TMEM178B: variants seen among roughly 807,000 people sequenced by gnomAD.
The protein encoded by TMEM178B is transmembrane protein 178B.
TMEM178B carries 5 observed loss-of-function variants against 31.0 expected under a neutral mutation model. The ratio of observed to expected loss-of-function variants is 0.16; its 90% CI spans 0.08 to 0.34. The LOEUF is 0.34. Among genes scored for constraint, TMEM178B ranks in the 10% least tolerant of loss-of-function variants. TMEM178B has a pLI of 1.00. For missense variants in TMEM178B, 275 were observed against 400.3 expected (o/e 0.69, Z 2.67); for synonymous variants, 164 against 164.0 (o/e 1.00, Z 0.00).
intron 2 of TMEM178B, among the ~76,000 whole-genome samples, chr7:141,242,867 C>T (rs1339430160): frequency 6.6e-6 from 1 of 152,048 alleles, no homozygotes; most frequent in Non-Finnish European, 1.5e-5. Context: ...GAGATTCCAG[C>T]TGCTGTCTCT....
At position 141,100,552 on chromosome 7, in the gene TMEM178B, T is replaced by C. The variant is rs150078875; in HGVS notation, c.382+25860T>C. Among the ~76,000 whole-genome samples the C allele has an allele frequency of 5.3e-4, 81 of 152,336 alleles. No individual in the cohort carries two copies. In the East Asian group the frequency reaches 0.015, roughly 28 times the overall value. ...TGGCTCCCTAATCATCATGTGTTTG[T>C]ATTATTTTAATTAACATAAATTTAC... On this transcript the variant is annotated intron_variant, in intron 1 of 3. Coordinates refer to ENST00000565468, the MANE Select transcript of TMEM178B (RefSeq NM_001195278.2).
At chr7:141,174,854 G>T (rs1195655885) in intron 1 of TMEM178B, among the ~76,000 whole-genome samples, 4 of 152,104 alleles carry the variant, frequency 2.6e-5, no homozygotes, top group African/African-American at 9.7e-5. Flanking sequence ...GTAGATCCTG[G>T]ATATTAGCCG....
At chr7:141,415,602 T>A (rs1232165539) in intron 2 of TMEM178B, among the ~76,000 whole-genome samples, 1 of 152,114 alleles carries the variant, frequency 6.6e-6, no homozygotes, top group African/African-American at 2.4e-5. Flanking sequence ...AAAATCTAGT[T>A]ACTGTAGAGG....
intron 2 of TMEM178B, among the ~76,000 whole-genome samples, chr7:141,241,640 A>G (rs915607918): frequency 5.9e-5 from 9 of 151,646 alleles, no homozygotes; most frequent in Non-Finnish European, 1.2e-4. Flanking sequence ...TCAGCTACCA[A>G]GGCTCCAGCA....
intron 3 of TMEM178B, among the ~76,000 whole-genome samples, chr7:141,453,800 GCCAAGTCT>G (rs1025496836): frequency 8.5e-5 from 13 of 152,200 alleles, no homozygotes; most frequent in African/African-American, 3.1e-4. Context: ...GAAGCAGTAT[GCCAAGTCT>G]TTATTTATTC....
chr7:141,438,696 T>TAAAAAAGAAAAAAAAAAA (rs1801597196), intron 3 of TMEM178B, among the ~76,000 whole-genome samples: 1 of 28,990 alleles, frequency 3.4e-5, no homozygotes, highest in Non-Finnish European at 7.8e-5. Context: ...CCGTCTCTAC[T>TAAAAAAGAAAAAAAAAAA]AAAAAAAAAA....
chr7:141,498,874 T>G, the TMEM178B span, among the ~76,000 whole-genome samples: 1 of 152,222 alleles, frequency 6.6e-6, no homozygotes, highest in Non-Finnish European at 1.5e-5. Context: ...TATTAATTTT[T>G]GAGGAATCAT....
chr7:141,438,745 G>A (rs141339907), intron 3 of TMEM178B, among the ~76,000 whole-genome samples: 3,307 of 116,920 alleles, frequency 0.028, 116 homozygotes, highest in African/African-American at 0.087. Context: ...GCATGGTAGC[G>A]CGTGCCTGTA....
intron 2 of TMEM178B, among the ~76,000 whole-genome samples, chr7:141,316,106 G>A (rs1799001201): frequency 6.6e-6 from 1 of 152,104 alleles, no homozygotes; most frequent in Non-Finnish European, 1.5e-5. Flanking sequence ...TCTAGGGAGG[G>A]AAGGAAGTAG....
chr7:141,253,172 G>C (rs560772594), intron 2 of TMEM178B, among the ~76,000 whole-genome samples: 1 of 152,308 alleles, frequency 6.6e-6, no homozygotes, highest in East Asian at 1.9e-4. Flanking sequence ...TGGTTCCTCA[G>C]GCCTAGGGGC....
At position 141,213,558 on chromosome 7, in the gene TMEM178B, A is replaced by T. The variant is rs147625888; in HGVS notation, c.496+854A>T. ...TCTGAAAGGTTAAGATTCTGTTTTCATCTATATGTGAAGGAGGATTCTTTT... is the reference window on the plus strand; with the variant it reads ...TCTGAAAGGTTAAGATTCTGTTTTCTTCTATATGTGAAGGAGGATTCTTTT... On this transcript the variant is annotated intron_variant, in intron 2 of 3. Transcript: ENST00000565468. Among the ~76,000 whole-genome samples, 253 of 152,248 alleles carry T rather than the reference A, an allele frequency of 1.7e-3. 3 individuals carry two copies. Among genetic ancestry groups the T allele is most frequent in the African/African-American group, 5.5e-3 (229 of 41,550 alleles).
At chr7:141,226,333 T>C (rs1797341535) in intron 2 of TMEM178B, among the ~76,000 whole-genome samples, 1 of 152,072 alleles carries the variant, frequency 6.6e-6, no homozygotes, top group Non-Finnish European at 1.5e-5. Context: ...CCGACTACCC[T>C]TCCAGAACCC....
At chr7:141,158,837 G>T (rs1463289811) in intron 1 of TMEM178B, among the ~76,000 whole-genome samples, 1 of 152,144 alleles carries the variant, frequency 6.6e-6, no homozygotes, top group East Asian at 1.9e-4. Flanking sequence ...TAATGTCTTG[G>T]TCCTGTGGGT....
Position 141,238,523 on chromosome 7 carries a change from C to T in TMEM178B, c.496+25819C>T, listed in dbSNP as rs563519377. 8.1e-4 allele frequency among the ~76,000 whole-genome samples: 124 copies of T among 152,274 alleles called. 1 individual carries two copies. Among genetic ancestry groups the T allele is most frequent in the African/African-American group, 2.7e-3 (111 of 41,544 alleles). ...AAAAAATACCTGTGCAGTTGAACTA[C>T]AGTATCAGGGCTGCAGTGGACCAGA... On this transcript the variant is annotated intron_variant, in intron 2 of 3. Coordinates refer to ENST00000565468, the MANE Select transcript of TMEM178B (RefSeq NM_001195278.2).
chr7:141,087,106 A>T (rs1794801495), intron 1 of TMEM178B, among the ~76,000 whole-genome samples: 1 of 152,192 alleles, frequency 6.6e-6, no homozygotes, highest in African/African-American at 2.4e-5. Flanking sequence ...GTAAAATTTT[A>T]TTCAGATTGT....
intron 2 of TMEM178B, among the ~76,000 whole-genome samples, chr7:141,436,192 G>A (rs1378294226): frequency 6.6e-6 from 1 of 152,208 alleles, no homozygotes; most frequent in Non-Finnish European, 1.5e-5. Context: ...GAATGGAGGG[G>A]ATGGGACCTG....
At chr7:141,313,205 G>T (rs10215259) in intron 2 of TMEM178B, among the ~76,000 whole-genome samples, 20,355 of 152,208 alleles carry the variant, frequency 0.13, 1,699 homozygotes, top group Non-Finnish European at 0.19. Context: ...AGTACTGACC[G>T]AGTGGGAAAG....
chr7:141,240,053 A>G (rs1249528951), intron 2 of TMEM178B, among the ~76,000 whole-genome samples: 1 of 152,230 alleles, frequency 6.6e-6, no homozygotes, highest in Non-Finnish European at 1.5e-5. Context: ...AAATATTTTA[A>G]TTCGATTTAA....
rs1224556641 is a variant in TMEM178B at position 141,476,149 on chromosome 7, G to A, written c.*5363G>A. On this transcript the variant is annotated 3_prime_UTR_variant, in exon 4 of 4. Transcript: ENST00000565468. ...CAAGTGTCTGTGCCTCGCTGCTGAA[G>A]GATAACCCAGAGTGCAAGGTCATCT... 1 of 152,218 alleles carries A rather than the reference G, an allele frequency of 6.6e-6. No individual in the cohort carries two copies. Among genetic ancestry groups the A allele is most frequent in the Non-Finnish European group, 1.5e-5 (1 of 68,042 alleles). The allele number at this position is 152,218 out of a possible 1,614,324, so 9.4% of individuals were successfully genotyped here.
Sources: allele counts gnomAD v4.1 joint callset (sites outside exome capture counted in the v4.1 genomes callset), GRCh38; gene constraint gnomAD v4.1.1; transcripts MANE v1.5; gene names NCBI Gene and HGNC (gene_info 2026-07-23, HGNC 2026-07-21).